Variants in HS3ST2 observed in about 807,000 individuals in gnomAD.
The protein encoded by HS3ST2 is heparan sulfate glucosamine 3-O-sulfotransferase 2.
A neutral mutation model predicts 26.3 loss-of-function variants in HS3ST2; 17 were observed. The ratio of observed to expected loss-of-function variants is 0.65; its 90% CI spans 0.44 to 0.97. The LOEUF is 0.97. HS3ST2 is among the 50% of genes least tolerant of loss of function. The pLI, the probability that HS3ST2 is intolerant of heterozygous loss-of-function variation, is 0.00. For synonymous variants in HS3ST2, 237 were observed against 219.2 expected (o/e 1.08, Z -0.72); for missense variants, 402 against 501.2 (o/e 0.80, Z 1.89).
chr16:22,826,890 T>G (rs1901094521), intron 1 of HS3ST2, among the ~76,000 whole-genome samples: 1 of 152,186 alleles, frequency 6.6e-6, no homozygotes, highest in Non-Finnish European at 1.5e-5. Flanking sequence ...AATTTCTGCC[T>G]TCATGCTGCT....
intron 1 of HS3ST2, among the ~76,000 whole-genome samples, chr16:22,862,189 C>T (rs777267253): frequency 2.0e-4 from 31 of 151,860 alleles, no homozygotes; most frequent in Non-Finnish European, 3.7e-4. Context: ...CACCAACAGA[C>T]CAATTAGGCC....
At chr16:22,842,062 C>CTTTTTTTTTTTTTTT in intron 1 of HS3ST2, among the ~76,000 whole-genome samples, 1 of 111,792 alleles carries the variant, frequency 8.9e-6, no homozygotes, top group Non-Finnish European at 1.8e-5. Context: ...TCTTTTCTTT[C>CTTTTTTTTTTTTTTT]TTTTTTTTTT....
At chr16:22,862,580 T>C (rs1427192163) in intron 1 of HS3ST2, among the ~76,000 whole-genome samples, 1 of 152,226 alleles carries the variant, frequency 6.6e-6, no homozygotes, top group Non-Finnish European at 1.5e-5. Flanking sequence ...CTGTAGCTTC[T>C]ACTGCTGTCC....
intron 1 of HS3ST2, among the ~76,000 whole-genome samples, chr16:22,851,076 A>G (rs1333828472): frequency 6.6e-6 from 1 of 152,164 alleles, no homozygotes; most frequent in Non-Finnish European, 1.5e-5. Flanking sequence ...GAGCATCTCA[A>G]GGGCAAGCGT....
chr16:22,871,354 C>CAA (rs35724979), intron 1 of HS3ST2, among the ~76,000 whole-genome samples: 4 of 131,576 alleles, frequency 3.0e-5, no homozygotes, highest in Admixed American at 1.5e-4. Flanking sequence ...CACTCTGTTT[C>CAA]AAAAAAAAAA....
chr16:22,855,696 G>GTCTCTCTCTCTCTCTCTCTCTCTC (rs3078722), intron 1 of HS3ST2, among the ~76,000 whole-genome samples: 7 of 143,044 alleles, frequency 4.9e-5, no homozygotes, highest in South Asian at 4.6e-4. Flanking sequence ...CTGTCTCTCT[G>GTCTCTCTCTCTCTCTCTCTCTCTC]TCTCTCTCTC....
chr16:22,893,734 A>G (rs887851239), intron 1 of HS3ST2, among the ~76,000 whole-genome samples: 4 of 150,840 alleles, frequency 2.7e-5, no homozygotes, highest in Non-Finnish European at 5.9e-5. Context: ...CGAACACCAC[A>G]TGTTCTCACT....
At chr16:22,837,858 G>T (rs1237871743) in intron 1 of HS3ST2, among the ~76,000 whole-genome samples, 2 of 151,862 alleles carry the variant, frequency 1.3e-5, no homozygotes, top group Non-Finnish European at 2.9e-5. Flanking sequence ...GATGTGAGAT[G>T]ATCTCTAACA....
At chr16:22,818,054 G>C (rs1900899267) in intron 1 of HS3ST2, among the ~76,000 whole-genome samples, 1 of 152,182 alleles carries the variant, frequency 6.6e-6, no homozygotes, top group Admixed American at 6.5e-5. Flanking sequence ...AGAGAGCCCA[G>C]CCTTCTGCAG....
At chr16:22,852,720 G>T (rs756951237) in intron 1 of HS3ST2, among the ~76,000 whole-genome samples, 3 of 152,138 alleles carry the variant, frequency 2.0e-5, no homozygotes, top group Non-Finnish European at 4.4e-5. Context: ...CTGCAGAAAA[G>T]CTCAGCCATT....
chr16:22,890,800 G>A (rs1310886217), intron 1 of HS3ST2, among the ~76,000 whole-genome samples: 2 of 152,160 alleles, frequency 1.3e-5, no homozygotes, highest in Admixed American at 1.3e-4. Context: ...CCAAACTCTT[G>A]GGCCTTCCTA....
intron 1 of HS3ST2, among the ~76,000 whole-genome samples, chr16:22,824,304 T>A (rs1901048054): frequency 6.6e-6 from 1 of 152,022 alleles, no homozygotes; most frequent in Admixed American, 6.6e-5. Context: ...ATCCCAGCAC[T>A]TTGGGAGGCT....
chr16:22,883,933 G>A (rs1432712907), intron 1 of HS3ST2, among the ~76,000 whole-genome samples: 3 of 152,142 alleles, frequency 2.0e-5, no homozygotes, highest in Non-Finnish European at 4.4e-5. Flanking sequence ...CACCCTCTCT[G>A]GGGCCTCACA....
At chr16:22,827,460 TA>T (rs1229342357) in intron 1 of HS3ST2, among the ~76,000 whole-genome samples, 1 of 152,062 alleles carries the variant, frequency 6.6e-6, no homozygotes, top group Non-Finnish European at 1.5e-5. Context: ...GAAAACTGGC[TA>T]GGGGGCTGTT....
rs1900862102 is a variant in HS3ST2, at chr16:22,815,969, C to T, written c.485+874C>T. On this transcript the variant is annotated intron_variant, in intron 1 of 1. Coordinates refer to ENST00000261374, the MANE Select transcript of HS3ST2 (RefSeq NM_006043.2). ...AGGCTAGCAAGGGTGCTAGGGGCAG[C>T]CAGTCATGCATAGACTGTCTATGCT... Among the ~76,000 whole-genome samples the T allele has an allele frequency of 2.0e-5, 3 of 152,220 alleles. No individual in the cohort carries two copies. In the South Asian group the frequency reaches 6.2e-4, roughly 31 times the overall value.
chr16:22,814,502 G>T lies in HS3ST2; in HGVS notation c.-109G>T, dbSNP rs1158688711. The T allele has an allele frequency of 6.2e-6, 8 of 1,289,026 alleles. No individual in the cohort carries two copies. In the East Asian group the frequency reaches 2.4e-4, roughly 38 times the overall value. 79.8% of individuals were successfully genotyped at this position (1,289,026 alleles called of 1,614,324 possible). ...ACGGCGCCCCCAACGCCCGACCCGC[G>T]TGGCCGTGGCAGCGCCACGCGAGCC... On this transcript the variant is annotated 5_prime_UTR_variant, in exon 1 of 2. Transcript: ENST00000261374.
intron 1 of HS3ST2, among the ~76,000 whole-genome samples, chr16:22,912,033 G>A (rs984059485): frequency 2.6e-5 from 4 of 152,124 alleles, no homozygotes; most frequent in Non-Finnish European, 5.9e-5. Context: ...TGAGGTGGGA[G>A]GATCACCTAA....
At chr16:22,826,914 G>T (rs760132335) in intron 1 of HS3ST2, among the ~76,000 whole-genome samples, 24 of 152,226 alleles carry the variant, frequency 1.6e-4, no homozygotes, top group Admixed American at 6.5e-4. Context: ...TTTTCTACAG[G>T]GTAGGAAGGA....
At position 22,898,463 on chromosome 16, in the gene HS3ST2, G is replaced by A. The variant is rs184485215; in HGVS notation, c.486-16481G>A. Among the ~76,000 whole-genome samples, 34 of 152,280 alleles carry A rather than the reference G, an allele frequency of 2.2e-4. No homozygotes were observed. The East Asian group carries it at 6.6e-3, about 29-fold the overall frequency. The stretch of plus-strand genomic sequence containing the variant: ...CTTCAGAGACTGACATTTGAAAGTG[G>A]TGATATTCTAACTGAGACCTGAGCA... On this transcript the variant is annotated intron_variant, in intron 1 of 1. Transcript: ENST00000261374.
Sources: gnomAD v4.1 joint callset for allele counts (sites outside exome capture counted in the v4.1 genomes callset) on GRCh38, gnomAD v4.1.1 for gene constraint, MANE v1.5 for transcripts, NCBI Gene and HGNC (gene_info 2026-07-23, HGNC 2026-07-21) for gene names.